Variants in LRMDA observed in about 807,000 individuals in gnomAD.
LRMDA encodes the protein leucine rich melanocyte differentiation associated, also known as leucine-rich melanocyte differentiation-associated protein.
LRMDA carries 18 observed loss-of-function variants against 29.8 expected under a neutral mutation model. That is an observed-to-expected ratio of 0.60 (90% CI 0.42 to 0.90). LRMDA has a LOEUF of 0.90. LRMDA is among the 40% of genes least tolerant of loss of function. The pLI is 0.00. For synonymous variants in LRMDA, 125 were observed against 109.4 expected, an observed-to-expected ratio of 1.14 and a Z score of -0.89; for missense variants, 273 against 273.9, an observed-to-expected ratio of 1.00 and a Z score of 0.02.
chr10:76,524,816 A>T (rs1264593064), intron 6 of LRMDA, among the ~76,000 whole-genome samples: 1 of 152,244 alleles, frequency 6.6e-6, no homozygotes, highest in Non-Finnish European at 1.5e-5. Flanking sequence ...AGGCTGAGAC[A>T]CAGGAGAGCA....
intron 6 of LRMDA, among the ~76,000 whole-genome samples, chr10:76,429,842 G>A (rs1000175550): frequency 2.6e-5 from 4 of 152,128 alleles, no homozygotes; most frequent in Admixed American, 1.3e-4. Context: ...CAGAAAAGGC[G>A]CCTGCCGAGA....
chr10:75,668,113 C>G (rs1418884706), intron 2 of LRMDA, among the ~76,000 whole-genome samples: 1 of 152,248 alleles, frequency 6.6e-6, no homozygotes, highest in Non-Finnish European at 1.5e-5. Context: ...TCAATAGCTT[C>G]TTAGCAAATC....
chr10:75,977,870 G>A (rs1023355100), intron 2 of LRMDA, among the ~76,000 whole-genome samples: 1 of 152,144 alleles, frequency 6.6e-6, no homozygotes, highest in Non-Finnish European at 1.5e-5. Flanking sequence ...GTGTGACCTT[G>A]GACAAGGTAC....
At chr10:76,557,153 T>G in intron 6 of LRMDA, 56 bp from the exon 7 acceptor site, 1 of 1,401,274 alleles carries the variant, frequency 7.1e-7, no homozygotes, top group Non-Finnish European at 1.0e-6. Flanking sequence ...AGCACCTGTG[T>G]TTCCCTGCTA....
intron 2 of LRMDA, among the ~76,000 whole-genome samples, chr10:75,722,211 G>A (rs1808765998): frequency 6.6e-6 from 1 of 152,086 alleles, no homozygotes; most frequent in African/African-American, 2.4e-5. Context: ...AATGGCCCTG[G>A]TGCATCGTTA....
chr10:75,797,486 A>G (rs998962648), intron 2 of LRMDA, among the ~76,000 whole-genome samples: 2 of 152,178 alleles, frequency 1.3e-5, no homozygotes, highest in South Asian at 2.1e-4. Context: ...AACCATTACC[A>G]CAATCCAATA....
chr10:75,970,908 C>G (rs991909499), intron 2 of LRMDA, among the ~76,000 whole-genome samples: 1 of 152,194 alleles, frequency 6.6e-6, no homozygotes, highest in South Asian at 2.1e-4. Flanking sequence ...AAAATACTTT[C>G]ACAGCCATTG....
intron 6 of LRMDA, among the ~76,000 whole-genome samples, chr10:76,427,473 A>T (rs1339150655): frequency 1.3e-5 from 2 of 152,182 alleles, no homozygotes; most frequent in African/African-American, 4.8e-5. Flanking sequence ...GACTTTGCTG[A>T]AGTTGCTTAT....
chr10:76,352,818 G>T (rs942354330), intron 6 of LRMDA, among the ~76,000 whole-genome samples: 2 of 152,020 alleles, frequency 1.3e-5, no homozygotes, highest in Non-Finnish European at 2.9e-5. Flanking sequence ...TGGAATCAGG[G>T]ACAGGGGAGG....
chr10:75,989,219 G>T (rs1162818354), intron 2 of LRMDA, among the ~76,000 whole-genome samples: 2 of 152,214 alleles, frequency 1.3e-5, no homozygotes, highest in African/African-American at 2.4e-5. Context: ...ATTAGTCCAT[G>T]CTAATTGCAT....
intron 2 of LRMDA, among the ~76,000 whole-genome samples, chr10:75,618,514 TA>T (rs1841138807): frequency 1.1e-4 from 2 of 17,678 alleles, no homozygotes; most frequent in African/African-American, 2.7e-4. Flanking sequence ...ATATATATTA[TA>T]TATATATATA....
chr10:76,339,127 C>T (rs1036464202), intron 6 of LRMDA, among the ~76,000 whole-genome samples: 2 of 152,058 alleles, frequency 1.3e-5, no homozygotes, highest in East Asian at 1.9e-4. Context: ...CTTTAAAAAC[C>T]TGTATGAAAC....
At chr10:75,745,356 A>G (rs1842877448) in intron 2 of LRMDA, among the ~76,000 whole-genome samples, 1 of 152,198 alleles carries the variant, frequency 6.6e-6, no homozygotes, top group Non-Finnish European at 1.5e-5. Context: ...TTCACATAAC[A>G]TGATTCGCAT....
intron 2 of LRMDA, among the ~76,000 whole-genome samples, chr10:75,445,313 T>C (rs1844379557): frequency 6.6e-6 from 1 of 152,110 alleles, no homozygotes; most frequent in Admixed American, 6.6e-5. Flanking sequence ...TTTTTCCAAA[T>C]TTCTACTATT....
At chr10:76,166,832 T>C (rs1850749439) in intron 5 of LRMDA, among the ~76,000 whole-genome samples, 1 of 152,190 alleles carries the variant, frequency 6.6e-6, no homozygotes, top group African/African-American at 2.4e-5. Flanking sequence ...CTAGGTCGAA[T>C]GGTAGCTCTA....
At chr10:76,553,850 G>T (rs765540811) in intron 6 of LRMDA, among the ~76,000 whole-genome samples, 45 of 152,014 alleles carry the variant, frequency 3.0e-4, no homozygotes, top group Admixed American at 7.9e-4. Context: ...TTCTCCCCGG[G>T]CGAGCACCAG....
chr10:76,454,000 T>C (rs1842432162), intron 6 of LRMDA, among the ~76,000 whole-genome samples: 1 of 152,196 alleles, frequency 6.6e-6, no homozygotes, highest in African/African-American at 2.4e-5. Flanking sequence ...TAAAGTCACA[T>C]AGGCAATTAG....
At chr10:75,930,883 A>G (rs1013130491) in intron 2 of LRMDA, among the ~76,000 whole-genome samples, 16 of 152,332 alleles carry the variant, frequency 1.1e-4, no homozygotes, top group African/African-American at 2.9e-4. Flanking sequence ...AATTCCAGCT[A>G]TAGTTATTCT....
At chr10:76,148,056 AGAG>A (rs1381570695) in intron 5 of LRMDA, among the ~76,000 whole-genome samples, 1 of 152,150 alleles carries the variant, frequency 6.6e-6, no homozygotes, top group African/African-American at 2.4e-5. Flanking sequence ...GTTTTGTCTC[AGAG>A]GAGTACCCGG....
Sources: allele counts gnomAD v4.1 joint callset (sites outside exome capture counted in the v4.1 genomes callset), GRCh38; gene constraint gnomAD v4.1.1; transcripts MANE v1.5; gene names NCBI Gene and HGNC (gene_info 2026-07-23, HGNC 2026-07-21).